The following UHRF2 variants were observed in gnomAD, a reference collection of about 807,000 sequenced individuals.
UHRF2 encodes ubiquitin like with PHD and ring finger domains 2, also known as E3 ubiquitin-protein ligase UHRF2.
UHRF2 carries 23 observed loss-of-function variants against 96.8 expected under a neutral mutation model. The observed-to-expected ratio is 0.24, with a 90% CI of 0.17 to 0.34. The LOEUF (loss-of-function observed/expected upper bound fraction) is 0.34. Among genes scored for constraint, UHRF2 ranks in the 10% least tolerant of loss-of-function variants. The pLI is 1.00. For synonymous variants in UHRF2, 385 were observed against 332.6 expected (o/e 1.16, Z -1.72); for missense variants, 685 against 981.5 (o/e 0.70, Z 4.04).
At chr9:6,469,362 A>G (rs1439913291) in intron 4 of UHRF2, among the ~76,000 whole-genome samples, 1 of 152,072 alleles carries the variant, frequency 6.6e-6, no homozygotes, top group Non-Finnish European at 1.5e-5. Flanking sequence ...TACTGAAAAT[A>G]CAAAAATTAG....
chr9:6,425,689 G>A (rs1218148763), intron 2 of UHRF2, among the ~76,000 whole-genome samples: 1 of 152,112 alleles, frequency 6.6e-6, no homozygotes, highest in African/African-American at 2.4e-5. Context: ...CTTGAACCCA[G>A]GAAGCAGAGG....
At chr9:6,415,367 A>G (rs1587749361) in intron 1 of UHRF2, 2 of 152,394 alleles carry the variant, frequency 1.3e-5, no homozygotes, top group East Asian at 3.9e-4. Context: ...GGGTAGAGGA[A>G]TAGACCTTTG....
chr9:6,491,853 G>C (rs566782498), intron 9 of UHRF2, among the ~76,000 whole-genome samples: 72 of 152,334 alleles, frequency 4.7e-4, no homozygotes, highest in Admixed American at 9.8e-4. Context: ...TTGACTAGAA[G>C]ATGCAACAAA....
intron 3 of UHRF2, among the ~76,000 whole-genome samples, chr9:6,439,565 T>C (rs1037611075): frequency 6.6e-6 from 1 of 152,262 alleles, no homozygotes; most frequent in Admixed American, 6.5e-5. Flanking sequence ...GTTCACATCA[T>C]GTACAAAGTA....
chr9:6,421,029 C>T lies in UHRF2; in HGVS notation c.271C>T (p.Pro91Ser). ...PGTSTQIEAK[P>S]CSNSPPKVKK... ...CACATCTACACAGATTGAGGCTAAA[C>T]CCTGTTCTAATAGTCCACCTAAAGT... is the stretch of plus-strand genomic sequence containing the variant. Residue 91 changes from proline (P) to serine (S), a missense_variant, in exon 2 of 16, where the codon CCC (proline) becomes TCC (serine). By Grantham distance (74) the Pro-to-Ser change is moderately conservative. Coordinates refer to ENST00000276893, the MANE Select transcript of UHRF2 (RefSeq NM_152896.3). 1 of 1,614,146 alleles carries T rather than the reference C, an allele frequency of 6.2e-7. No homozygotes were observed. The highest frequency in any genetic ancestry group is 1.1e-5 in the South Asian group (1 of 91,080).
In UHRF2 at chr9:6,475,513, G is replaced by A; in HGVS notation, c.973+13G>A. The A allele has an allele frequency of 1.9e-6, 3 of 1,553,418 alleles. No homozygotes were observed. Among genetic ancestry groups the A allele is most frequent in the South Asian group, 1.2e-5 (1 of 82,338 alleles). ...GGAAAGTTTTTAAGTATGGATTTTT[G>A]TTTTTGGTCTTAGACTACATGTGTT... is the stretch of plus-strand genomic sequence containing the variant. On this transcript the variant is annotated intron_variant, in intron 5 of 15. Transcript: ENST00000276893.
intron 1 of UHRF2, among the ~76,000 whole-genome samples, chr9:6,414,334 C>G (rs912351142): frequency 2.6e-5 from 4 of 152,198 alleles, no homozygotes; most frequent in African/African-American, 9.7e-5. Flanking sequence ...CTATATAAGC[C>G]AAGAGTTTTA....
At chr9:6,494,152 T>TG (rs1189733106) in intron 10 of UHRF2, 3 of 438,236 alleles carry the variant, frequency 6.8e-6, no homozygotes, top group African/African-American at 2.0e-5. Flanking sequence ...ACTGAATACA[T>TG]GTGATATGCA....
At chr9:6,486,060 AATAG>A (rs1399466963) in intron 8 of UHRF2, among the ~76,000 whole-genome samples, 1 of 152,168 alleles carries the variant, frequency 6.6e-6, no homozygotes, top group Non-Finnish European at 1.5e-5. Context: ...GGCTAGGAAA[AATAG>A]ATAGGAGCCA....
At chr9:6,486,109 G>T (rs896238838) in intron 8 of UHRF2, among the ~76,000 whole-genome samples, 1 of 152,118 alleles carries the variant, frequency 6.6e-6, no homozygotes, top group Non-Finnish European at 1.5e-5. Flanking sequence ...GTTGACTTGG[G>T]TTTGATACTG....
intron 3 of UHRF2, among the ~76,000 whole-genome samples, chr9:6,449,068 C>T (rs1821695580): frequency 6.6e-6 from 1 of 152,174 alleles, no homozygotes; most frequent in Non-Finnish European, 1.5e-5. Context: ...GAAGCAAGTC[C>T]TGAACCTTAT....
At chr9:6,464,201 A>G (rs1476305868) in intron 4 of UHRF2, among the ~76,000 whole-genome samples, 1 of 152,094 alleles carries the variant, frequency 6.6e-6, no homozygotes. Flanking sequence ...TGGGGTTGAG[A>G]ATCTTTTCGT....
intron 3 of UHRF2, chr9:6,449,345 G>C (rs948750100): frequency 2.0e-5 from 3 of 152,192 alleles, no homozygotes; most frequent in Non-Finnish European, 2.9e-5. Context: ...CTTACCATTA[G>C]ACTGGCCAAG....
chr9:6,469,041 A>G (rs971283642), intron 4 of UHRF2, among the ~76,000 whole-genome samples: 5 of 152,222 alleles, frequency 3.3e-5, no homozygotes, highest in Non-Finnish European at 7.3e-5. Context: ...AAGGAATACC[A>G]ATTATGGGAA....
chr9:6,417,198 C>A (rs1446205560), intron 1 of UHRF2, among the ~76,000 whole-genome samples: 1 of 152,120 alleles, frequency 6.6e-6, no homozygotes, highest in Non-Finnish European at 1.5e-5. Flanking sequence ...TCTAGTATTC[C>A]CTTGCATCAT....
At chr9:6,433,313 A>G (rs1289522019) in intron 2 of UHRF2, among the ~76,000 whole-genome samples, 1 of 152,136 alleles carries the variant, frequency 6.6e-6, no homozygotes, top group East Asian at 1.9e-4. Context: ...CGCCCTGTTC[A>G]TTTTTATATT....
At chr9:6,497,063 C>G (rs925660253) in intron 10 of UHRF2, 135 bp from the exon 11 acceptor site, 1 of 831,308 alleles carries the variant, frequency 1.2e-6, no homozygotes, top group Non-Finnish European at 1.8e-6. Context: ...ATCCTATTAT[C>G]TGGAATAATA....
chr9:6,414,464 G>A lies in UHRF2; in HGVS notation c.153+821G>A, dbSNP rs149967953. On this transcript the variant is annotated intron_variant, in intron 1 of 15. Transcript: ENST00000276893. ...CATAGCCAGCGGTGCATACTTGAAGGCTGTCTGTGGGCATCTCTGGTATTT... is the reference window on the plus strand; with the variant it reads ...CATAGCCAGCGGTGCATACTTGAAGACTGTCTGTGGGCATCTCTGGTATTT... Among the ~76,000 whole-genome samples, 70 of 152,300 alleles carry A rather than the reference G, an allele frequency of 4.6e-4. No homozygotes were observed. The East Asian group carries it at 8.7e-3, about 19-fold the overall frequency.
rs534256167 is a variant in UHRF2 at position 6,450,410 on chromosome 9, C to T, written c.645-10163C>T. Among the ~76,000 whole-genome samples, 3 of 146,168 alleles carry T rather than the reference C, an allele frequency of 2.1e-5. No individual in the cohort carries two copies. In the South Asian group the frequency reaches 6.5e-4, roughly 31 times the overall value. On this transcript the variant is annotated intron_variant, in intron 3 of 15. Transcript: ENST00000276893. ...CTGTAGTGATATTTGACACATTCTT[C>T]TGTTATGTGTTAGTTTCCTGAGAAG...
Sources: gnomAD v4.1 joint callset for allele counts (sites outside exome capture counted in the v4.1 genomes callset) on GRCh38, gnomAD v4.1.1 for gene constraint, MANE v1.5 for transcripts, NCBI Gene and HGNC (gene_info 2026-07-23, HGNC 2026-07-21) for gene names.